Variants in ATPSCKMT observed in about 807,000 individuals in gnomAD.
ATPSCKMT encodes ATP synthase subunit C lysine N-methyltransferase.
A neutral mutation model predicts 24.3 loss-of-function variants in ATPSCKMT; 24 were observed. The ratio of observed to expected loss-of-function variants is 0.99; its 90% confidence interval spans 0.71 to 1.39. The LOEUF (loss-of-function observed/expected upper bound fraction) is 1.39. ATPSCKMT is among the 40% of genes most tolerant of loss of function. ATPSCKMT has a pLI of 0.00. For synonymous variants in ATPSCKMT, 95 were observed against 110.5 expected, an observed-to-expected ratio of 0.86 and a Z score of 0.88; for missense variants, 311 against 298.4, an observed-to-expected ratio of 1.04 and a Z score of -0.31.
chr5:10,235,344 C>G (rs1420673885), intron 3 of ATPSCKMT, 83 bp from the exon 4 acceptor site: 6 of 1,233,108 alleles, frequency 4.9e-6, no homozygotes, highest in Non-Finnish European at 7.0e-6. Flanking sequence ...AAATGGGTAG[C>G]AGTTTTCCAT....
chr5:10,240,023 G>C (rs148724116), intron 1 of ATPSCKMT, among the ~76,000 whole-genome samples: 1 of 150,834 alleles, frequency 6.6e-6, no homozygotes, highest in East Asian at 2.0e-4. Flanking sequence ...TCAGGACATC[G>C]AGACCATCCT....
intron 4 of ATPSCKMT, among the ~76,000 whole-genome samples, chr5:10,228,756 T>C (rs1021108330): frequency 5.3e-5 from 8 of 152,028 alleles, no homozygotes; most frequent in African/African-American, 1.9e-4. Flanking sequence ...CTTGGCTCAA[T>C]GCAACCTCCG....
chr5:10,230,601 A>G (rs1354929743), intron 4 of ATPSCKMT, among the ~76,000 whole-genome samples: 1 of 152,192 alleles, frequency 6.6e-6, no homozygotes, highest in African/African-American at 2.4e-5. Flanking sequence ...TGTCTGCGTA[A>G]AGGAATTCAA....
At position 10,235,252 on chromosome 5, in the gene ATPSCKMT, A is replaced by G. The variant is rs372876698; in HGVS notation, c.454T>C (p.Ser152Pro). Residue 152 changes from serine to proline, a missense_variant, in exon 4 of 5, where the codon TCG (serine) becomes CCG (proline). Physicochemically the swap from Ser to Pro is moderately conservative, Grantham distance 74. Transcript: ENST00000511437. ...YISDLWKVTF[S>P]QYSNVVIFGV... Reference sequence around the variant, plus strand: ...AAAATAACAACGTTCGAGTACTGCGAAAAAGTAACCTGAACAAGGTGGGAA... The same window carrying G: ...AAAATAACAACGTTCGAGTACTGCGGAAAAGTAACCTGAACAAGGTGGGAA... 1.2e-6 allele frequency: 2 copies of G among 1,613,372 alleles called. No individual in the cohort carries two copies. Among genetic ancestry groups the G allele is most frequent in the Non-Finnish European group, 8.5e-7 (1 of 1,179,476 alleles).
At chr5:10,233,687 C>G (rs1012738570) in intron 4 of ATPSCKMT, among the ~76,000 whole-genome samples, 13 of 152,146 alleles carry the variant, frequency 8.5e-5, no homozygotes, top group East Asian at 3.9e-4. Context: ...TGCTGCCCCC[C>G]GCTGGGACAA....
rs773419493 is a variant in ATPSCKMT, at chr5:10,239,213, C to G, written c.160G>C (p.Val54Leu). The G allele has an allele frequency of 2.5e-6, 4 of 1,614,200 alleles. No individual in the cohort carries two copies. Among genetic ancestry groups the G allele is most frequent in the Non-Finnish European group, 2.5e-6 (3 of 1,180,042 alleles). The change falls in exon 2 of 5, where the codon GTA becomes CTA. Residue 54 changes from valine (V) to leucine (L), a missense_variant. Transcript: ENST00000511437. ...VGGTLVAVYA[V>L]ATPFVTPALR... ...GCTGGCGTTACAAACGGCGTGGCTACAGCGTACACAGCCACCAGGGTGCCA... is the reference window on the plus strand; with the variant it reads ...GCTGGCGTTACAAACGGCGTGGCTAGAGCGTACACAGCCACCAGGGTGCCA...
chr5:10,247,861 A>C (rs1054788912), intron 1 of ATPSCKMT, among the ~76,000 whole-genome samples: 2 of 152,176 alleles, frequency 1.3e-5, no homozygotes, highest in Non-Finnish European at 2.9e-5. Flanking sequence ...TTTAAAGTCA[A>C]ACACAGAATG....
intron 4 of ATPSCKMT, among the ~76,000 whole-genome samples, chr5:10,229,302 C>CGG (rs1561024935): frequency 2.6e-5 from 4 of 152,172 alleles, no homozygotes; most frequent in African/African-American, 7.2e-5. Context: ...GTTTTCGTGA[C>CGG]AATAACATTC....
chr5:10,228,418 T>C (rs1296732196), intron 4 of ATPSCKMT, among the ~76,000 whole-genome samples: 4 of 152,226 alleles, frequency 2.6e-5, no homozygotes, highest in Admixed American at 2.0e-4. Context: ...TATACCACCG[T>C]TGTACCATTT....
At chr5:10,238,864 C>T (rs558888358) in intron 2 of ATPSCKMT, among the ~76,000 whole-genome samples, 34 of 152,190 alleles carry the variant, frequency 2.2e-4, no homozygotes, top group African/African-American at 7.5e-4. Flanking sequence ...AGCACACTTC[C>T]TCCTTTAAGA....
chr5:10,238,911 C>A, intron 2 of ATPSCKMT, 156 bp downstream of exon 2: 1 of 863,434 alleles, frequency 1.2e-6, no homozygotes. Flanking sequence ...TCCAAACACA[C>A]TGGTAGTTGA....
In ATPSCKMT at chr5:10,226,526, T is replaced by C. The variant is rs1004777741; in HGVS notation, c.*915A>G. 1 of 152,228 alleles carries C rather than the reference T, an allele frequency of 6.6e-6. No homozygotes were observed. Among genetic ancestry groups the C allele is most frequent in the Non-Finnish European group, 1.5e-5 (1 of 68,034 alleles). 9.4% of individuals were successfully genotyped at this position (152,228 alleles called of 1,614,324 possible). The stretch of plus-strand genomic sequence containing the variant: ...GCTTGTCTACTCACGTTCAAAGGTT[T>C]TCCTTAATTCGTCTTTTATCTAAAT... On this transcript the variant is annotated 3_prime_UTR_variant, in exon 5 of 5. Coordinates refer to ENST00000511437, the MANE Select transcript of ATPSCKMT (RefSeq NM_199133.4).
At chr5:10,234,861 T>C (rs2292265) in intron 4 of ATPSCKMT, among the ~76,000 whole-genome samples, 141,198 of 152,278 alleles carry the variant, frequency 0.93, 65,625 homozygotes, top group Middle Eastern at 0.99. Context: ...AGGGAACATC[T>C]CATTAACTTT....
chr5:10,247,916 C>G (rs983069929), intron 1 of ATPSCKMT, among the ~76,000 whole-genome samples: 7 of 152,168 alleles, frequency 4.6e-5, no homozygotes, highest in Non-Finnish European at 8.8e-5. Flanking sequence ...TTATTGACTT[C>G]TAATATTGGT....
At chr5:10,235,821 A>G (rs977818316) in intron 3 of ATPSCKMT, among the ~76,000 whole-genome samples, 3 of 152,216 alleles carry the variant, frequency 2.0e-5, no homozygotes, top group African/African-American at 4.8e-5. Context: ...TTATTGCCCA[A>G]TAAGTCTTAT....
chr5:10,230,010 T>A (rs747596931), intron 4 of ATPSCKMT, among the ~76,000 whole-genome samples: 7 of 152,226 alleles, frequency 4.6e-5, no homozygotes, highest in Non-Finnish European at 1.0e-4. Context: ...TTCCTCTTAG[T>A]GAGAAGTGAT....
chr5:10,229,919 T>A (rs1744046247), intron 4 of ATPSCKMT, among the ~76,000 whole-genome samples: 1 of 152,248 alleles, frequency 6.6e-6, no homozygotes, highest in Admixed American at 6.5e-5. Context: ...ACTCCTTACA[T>A]TCAGGCTTAA....
intron 1 of ATPSCKMT, among the ~76,000 whole-genome samples, chr5:10,245,927 A>G (rs1253824498): frequency 6.6e-6 from 1 of 152,208 alleles, no homozygotes; most frequent in Non-Finnish European, 1.5e-5. Flanking sequence ...GCTTTGAGAT[A>G]TAATTCATAT....
At chr5:10,230,620 A>C (rs947944005) in intron 4 of ATPSCKMT, among the ~76,000 whole-genome samples, 2 of 152,214 alleles carry the variant, frequency 1.3e-5, no homozygotes, top group Admixed American at 6.5e-5. Context: ...AAAATTATTC[A>C]TACAATTATA....
Sources: allele counts gnomAD v4.1 joint callset (sites outside exome capture counted in the v4.1 genomes callset), GRCh38; gene constraint gnomAD v4.1.1; transcripts MANE v1.5; gene names NCBI Gene and HGNC (gene_info 2026-07-23, HGNC 2026-07-21).